C2: variants seen among roughly 807,000 people sequenced by gnomAD.
C2 encodes the protein C3/C5 convertase.
A neutral mutation model predicts 85.2 loss-of-function variants in C2; 64 were observed. The observed-to-expected ratio is 0.75, with a 90% CI of 0.61 to 0.92. The LOEUF is 0.92. C2 is among the 40% of genes least tolerant of loss of function. C2 has a pLI of 0.00. For synonymous variants in C2, 311 were observed against 370.8 expected (o/e 0.84, Z 1.85); for missense variants, 820 against 971.6 (o/e 0.84, Z 2.07).
upstream of C2, among the ~76,000 whole-genome samples, chr6:31,916,750 CTT>C (rs67751925): frequency 3.1e-3 from 340 of 110,916 alleles, 2 homozygotes; most frequent in Middle Eastern, 0.014. Flanking sequence ...GTTCTCTGCC[CTT>C]TTTTTTTTTT....
chr6:31,927,982 C>T lies in C2; in HGVS notation c.74C>T (p.Pro25Leu). The T allele has an allele frequency of 1.2e-6, 2 of 1,614,182 alleles. No individual in the cohort carries two copies. The highest frequency in any genetic ancestry group is 1.7e-6 in the Non-Finnish European group (2 of 1,180,024). The change falls in exon 2 of 18, where the codon CCT (proline) becomes CTT (leucine). Residue 25 changes from proline (P) to leucine (L), a missense_variant. Coordinates refer to ENST00000299367, the MANE Select transcript of C2 (RefSeq NM_000063.6). The surrounding 1 kb of genome is among the most constrained non-coding windows in gnomAD (Gnocchi z 4.7). ...PGLADSAPSC[P>L]QNVNISGGTF... is the part of the protein sequence containing the mutation. ...CTGGCAGACTCGGCTCCCTCCTGCC[C>T]TCAGAACGTGAATATCTCGGGTGGC...
In C2 at chr6:31,937,394, G is replaced by A. The variant is rs145799939; in HGVS notation, c.1064G>A (p.Arg355Gln). The stretch of plus-strand genomic sequence containing the variant: ...TATCTCATGATGAACAACCAAATGC[G>A]ACTCCTCGGCATGGAAACGATGGCC... ...SVYLMMNNQM[R>Q]LLGMETMAWQ... Residue 355 changes from arginine (R) to glutamine (Q), a missense_variant, in exon 8 of 18, where the codon CGA becomes CAA. By Grantham distance (43) the Arg-to-Gln change is conservative. Coordinates refer to ENST00000299367, the MANE Select transcript of C2 (RefSeq NM_000063.6). 20 of 1,612,488 alleles carry A rather than the reference G, an allele frequency of 1.2e-5. No individual in the cohort carries two copies. The highest frequency in any genetic ancestry group is 2.7e-5 in the African/African-American group (2 of 74,788).
At chr6:31,897,807 C>T (rs1347141864), upstream of C2, 10 of 1,004,438 alleles carry the variant, frequency 1.0e-5, no homozygotes, top group African/African-American at 1.2e-4. Context: ...AGAGCGGCCT[C>T]GGAGATGGCT....
intron 1 of C2, chr6:31,901,357 G>GCTTT (rs1013681280): frequency 2.6e-6 from 4 of 1,540,268 alleles, no homozygotes; most frequent in Non-Finnish European, 3.5e-6. Flanking sequence ...CAGAGACAAA[G>GCTTT]GTCTCTGGCT....
chr6:31,937,331 G>A lies in C2; in HGVS notation c.1001G>A (p.Gly334Glu), dbSNP rs1415564665. 6.2e-7 allele frequency: 1 copy of A among 1,612,772 alleles called. No homozygotes were observed. Among genetic ancestry groups the A allele is most frequent in the South Asian group, 1.1e-5 (1 of 91,082 alleles). ...ENANYKDHEN[G>E]TGTNTYAALN... ...TGGCATATTCCAGATCATGAAAATGGAACTGGGACTAACACCTATGCGGCC... is the reference window on the plus strand; with the variant it reads ...TGGCATATTCCAGATCATGAAAATGAAACTGGGACTAACACCTATGCGGCC... The change falls in exon 8 of 18, where the codon GGA (glycine) becomes GAA (glutamate). Residue 334 changes from glycine to glutamate, a missense_variant. Physicochemically the swap from Gly to Glu is moderately conservative, Grantham distance 98 (BLOSUM62 -2). Coordinates refer to ENST00000299367, the MANE Select transcript of C2 (RefSeq NM_000063.6).
rs1771002383 is a variant in C2, at chr6:31,942,965, A to G, written c.1226A>G (p.Tyr409Cys). 9 of 1,612,976 alleles carry G rather than the reference A, an allele frequency of 5.6e-6. No homozygotes were observed. The highest frequency in any genetic ancestry group is 2.7e-5 in the African/African-American group (2 of 74,946). Residue 409 changes from tyrosine to cysteine, a missense_variant, in exon 10 of 18, where the codon TAT becomes TGT. Tyr to Cys is a radical substitution (Grantham distance 194, BLOSUM62 -2). Transcript: ENST00000299367. Reference sequence around the variant, plus strand: ...TTTCCCTCTTCCCCACCAGACATCTATGCCATCGGGGTGGGCAAGCTGGAT... The same window carrying G: ...TTTCCCTCTTCCCCACCAGACATCTGTGCCATCGGGGTGGGCAAGCTGGAT... ...NQKRNDYLDI[Y>C]AIGVGKLDVD...
chr6:31,937,896 T>C (rs1484930086), intron 8 of C2, among the ~76,000 whole-genome samples: 1 of 151,876 alleles, frequency 6.6e-6, no homozygotes. Flanking sequence ...TCCCAGCTAC[T>C]TGGGAGGCTG....
intron 1 of C2, chr6:31,901,388 G>A: frequency 7.0e-7 from 1 of 1,426,752 alleles, no homozygotes; most frequent in South Asian, 1.4e-5. Flanking sequence ...AAGGCTCCAG[G>A]ACCCTCGCCC....
intron 2 of C2, 153 bp downstream of exon 2, chr6:31,928,317 C>T (rs1769432256): frequency 5.5e-6 from 4 of 729,922 alleles, no homozygotes; most frequent in Non-Finnish European, 7.1e-6. Flanking sequence ...ATGTCAATTG[C>T]CAGTAGCAAG....
At chr6:31,901,470 G>T (rs1767261599) in intron 1 of C2, 1 of 830,578 alleles carries the variant, frequency 1.2e-6, no homozygotes, top group Non-Finnish European at 1.8e-6. Context: ...CCCAACCCTG[G>T]GGAGGTGCTG....
At chr6:31,897,804 C>A, upstream of C2, 1 of 993,186 alleles carries the variant, frequency 1.0e-6, no homozygotes, top group Non-Finnish European at 1.2e-6. Flanking sequence ...CTGAGAGCGG[C>A]CTCGGAGATG....
At position 31,928,040 on chromosome 6, in the gene C2, G is replaced by A. The variant is rs1342494586; in HGVS notation, c.132G>A (p.Gly44=). The A allele has an allele frequency of 1.2e-6, 2 of 1,613,988 alleles. No homozygotes were observed. Among genetic ancestry groups the A allele is most frequent in the East Asian group, 2.2e-5 (1 of 44,880 alleles). Residue 44 remains glycine, a synonymous_variant, in exon 2 of 18, where the codon GGG becomes GGA. Coordinates refer to ENST00000299367, the MANE Select transcript of C2 (RefSeq NM_000063.6). Reference sequence around the variant, plus strand: ...CCCTCAGCCATGGCTGGGCTCCTGGGAGCCTTCTCACCTACTCCTGCCCCC... The same window carrying A: ...CCCTCAGCCATGGCTGGGCTCCTGGAAGCCTTCTCACCTACTCCTGCCCCC... ...TFTLSHGWAP[G]SLLTYSCPQG...
intron 7 of C2, chr6:31,936,292 A>C: frequency 1.8e-6 from 1 of 556,750 alleles, no homozygotes; most frequent in African/African-American, 1.9e-5. Flanking sequence ...GCAGGTCTTC[A>C]ATTCCTTCCA....
At chr6:31,900,712 A>G, upstream of C2, 1 of 1,603,704 alleles carries the variant, frequency 6.2e-7, no homozygotes. The surrounding 1 kb of genome is among the most constrained non-coding windows in gnomAD (Gnocchi z 9.7). Flanking sequence ...CCTCATCCTC[A>G]TCCTCTTCCT....
At chr6:31,928,683 G>T (rs1769466232) in intron 2 of C2, 49 bp from the exon 3 acceptor site, 1 of 1,584,188 alleles carries the variant, frequency 6.3e-7, no homozygotes, top group Non-Finnish European at 8.7e-7. Context: ...CCCAGCCCAG[G>T]TGTTATCCAT....
At chr6:31,916,699 C>T (rs1768534627), upstream of C2, among the ~76,000 whole-genome samples, 1 of 151,406 alleles carries the variant, frequency 6.6e-6, no homozygotes. Flanking sequence ...CTGTCTACTG[C>T]TTCCCACTCT....
chr6:31,909,681 C>T (rs116508221), intron 1 of C2, among the ~76,000 whole-genome samples: 5,264 of 151,562 alleles, frequency 0.035, 134 homozygotes, highest in South Asian at 0.05. Context: ...AGCGATCCTC[C>T]AGCCTTAGCT....
chr6:31,900,428 C>A, upstream of C2: 1 of 1,553,160 alleles, frequency 6.4e-7, no homozygotes, highest in Non-Finnish European at 8.7e-7. The surrounding 1 kb of genome is among the most constrained non-coding windows in gnomAD (Gnocchi z 9.7). Context: ...TTCCACCAGG[C>A]CCGAGGTGGC....
At chr6:31,898,046 T>C, upstream of C2, 1 of 328,656 alleles carries the variant, frequency 3.0e-6, no homozygotes, top group Non-Finnish European at 4.4e-6. Context: ...GCCTTTCTAG[T>C]TTTTGGGTTA....
Sources: gnomAD v4.1 joint callset for allele counts (sites outside exome capture counted in the v4.1 genomes callset) on GRCh38, gnomAD v4.1.1 for gene constraint, Gnocchi (gnomAD v3.1) non-coding constraint, MANE v1.5 for transcripts, NCBI Gene and HGNC (gene_info 2026-07-23, HGNC 2026-07-21) for gene names.